The following ZNF804B variants were observed in gnomAD, a reference collection of about 807,000 sequenced individuals.
The protein encoded by ZNF804B is zinc finger 804B.
Under a neutral mutation model 101.4 loss-of-function variants are expected in ZNF804B, and 80 were observed. The ratio of observed to expected loss-of-function variants is 0.79; its 90% CI spans 0.66 to 0.95. The LOEUF is 0.95. Among genes scored for constraint, ZNF804B ranks in the 40% least tolerant of loss-of-function variants. ZNF804B has a pLI of 0.00. For missense variants in ZNF804B, 1,673 were observed against 1,561.9 expected (o/e 1.07, Z -1.20); for synonymous variants, 622 against 558.8 (o/e 1.11, Z -1.59).
In ZNF804B at chr7:88,772,127, TA is replaced by T. The variant is rs369261466; in HGVS notation, c.108+12046del. Among the ~76,000 whole-genome samples the T allele has an allele frequency of 1.8e-3, 276 of 152,306 alleles. 1 individual carries two copies. The highest frequency in any genetic ancestry group is 6.3e-3 in the African/African-American group (262 of 41,586). Reference sequence around the variant, plus strand: ...GATTTAAAGAATTGATCATGTATTTTAAACTACGTTTAATGTTCTTCTTTCA... The same window carrying T: ...GATTTAAAGAATTGATCATGTATTTTAACTACGTTTAATGTTCTTCTTTCA... On this transcript the variant is annotated intron_variant, in intron 1 of 3. Coordinates refer to ENST00000333190, the MANE Select transcript of ZNF804B (RefSeq NM_181646.5).
At chr7:89,084,985 A>G (rs1026738301) in intron 1 of ZNF804B, among the ~76,000 whole-genome samples, 1 of 151,874 alleles carries the variant, frequency 6.6e-6, no homozygotes, top group African/African-American at 2.4e-5. Flanking sequence ...AAAAAGACAA[A>G]TATGGACTTT....
rs550682776 is a variant in ZNF804B at position 88,856,235 on chromosome 7, C to T, written c.108+96151C>T. 4.1e-4 allele frequency among the ~76,000 whole-genome samples: 62 copies of T among 152,178 alleles called. 1 individual carries two copies. In the South Asian group the frequency reaches 8.7e-3, roughly 21 times the overall value. On this transcript the variant is annotated intron_variant, in intron 1 of 3. Coordinates refer to ENST00000333190, the MANE Select transcript of ZNF804B (RefSeq NM_181646.5). ...TCACGATATTGATTCTTCCTACCCA[C>T]GAGCATGGAATGTTCTTCCATTTGT...
intron 1 of ZNF804B, among the ~76,000 whole-genome samples, chr7:89,027,602 A>G (rs1788769248): frequency 1.3e-5 from 2 of 152,166 alleles, no homozygotes; most frequent in African/African-American, 4.8e-5. Context: ...ATTCTTATTC[A>G]TATTCTCTCG....
chr7:89,146,509 T>A (rs1355512300), intron 1 of ZNF804B, among the ~76,000 whole-genome samples: 1 of 152,076 alleles, frequency 6.6e-6, no homozygotes, highest in African/African-American at 2.4e-5. Flanking sequence ...ATAAAGTCAT[T>A]CAAATATTAA....
intron 1 of ZNF804B, among the ~76,000 whole-genome samples, chr7:88,928,535 T>G (rs1166538358): frequency 6.6e-6 from 1 of 152,116 alleles, no homozygotes; most frequent in Non-Finnish European, 1.5e-5. Flanking sequence ...TGGCACACAT[T>G]TTTAGAATGT....
chr7:88,994,672 T>C (rs1793894842), intron 1 of ZNF804B, among the ~76,000 whole-genome samples: 1 of 152,074 alleles, frequency 6.6e-6, no homozygotes, highest in Non-Finnish European at 1.5e-5. Context: ...TTCGGAATAA[T>C]GATTCTGTTT....
chr7:89,138,465 T>C (rs1790669342), intron 1 of ZNF804B, among the ~76,000 whole-genome samples: 1 of 152,178 alleles, frequency 6.6e-6, no homozygotes, highest in Non-Finnish European at 1.5e-5. Flanking sequence ...ATGTCTCAGA[T>C]GAGACTTTGT....
At chr7:89,086,742 C>T (rs913096300) in intron 1 of ZNF804B, among the ~76,000 whole-genome samples, 1 of 151,856 alleles carries the variant, frequency 6.6e-6, no homozygotes, top group East Asian at 1.9e-4. Context: ...GATGCCTTTT[C>T]AGAGTTTGCT....
intron 2 of ZNF804B, among the ~76,000 whole-genome samples, chr7:89,291,289 A>G (rs1396446647): frequency 2.2e-5 from 3 of 137,698 alleles, no homozygotes; most frequent in Non-Finnish European, 4.9e-5. Flanking sequence ...AAACTAAATA[A>G]GACAGAAACC....
At chr7:89,302,910 T>A (rs931588374) in intron 2 of ZNF804B, among the ~76,000 whole-genome samples, 1 of 151,954 alleles carries the variant, frequency 6.6e-6, no homozygotes, top group Non-Finnish European at 1.5e-5. Context: ...GTCTAGAATT[T>A]AACACAATAC....
chr7:89,128,892 C>A (rs1363122114), intron 1 of ZNF804B, among the ~76,000 whole-genome samples: 1 of 151,988 alleles, frequency 6.6e-6, no homozygotes, highest in Non-Finnish European at 1.5e-5. Context: ...TGTATCATGT[C>A]TGTGGCTAAG....
At chr7:89,122,268 C>A (rs2373841) in intron 1 of ZNF804B, among the ~76,000 whole-genome samples, 97,709 of 151,722 alleles carry the variant, frequency 0.64, 32,238 homozygotes, top group East Asian at 0.8. Context: ...TCTTCAGTCA[C>A]ATTAGCCATG....
chr7:89,191,687 T>C (rs986225128), intron 1 of ZNF804B, among the ~76,000 whole-genome samples: 5 of 152,044 alleles, frequency 3.3e-5, no homozygotes, highest in Non-Finnish European at 7.4e-5. Flanking sequence ...TTCAGTGGTA[T>C]TTGCATCATG....
intron 1 of ZNF804B, among the ~76,000 whole-genome samples, chr7:88,809,677 A>C (rs1263814513): frequency 1.3e-5 from 2 of 152,228 alleles, no homozygotes; most frequent in Non-Finnish European, 2.9e-5. Flanking sequence ...TTTTTTATGC[A>C]TAACAGCTTC....
chr7:89,230,684 T>C (rs1408316899), intron 2 of ZNF804B, among the ~76,000 whole-genome samples: 1 of 152,026 alleles, frequency 6.6e-6, no homozygotes, highest in African/African-American at 2.4e-5. Flanking sequence ...GGAGAAGATA[T>C]TCTGTTGAAC....
At chr7:88,982,441 C>CT (rs1395665561) in intron 1 of ZNF804B, among the ~76,000 whole-genome samples, 2 of 152,034 alleles carry the variant, frequency 1.3e-5, no homozygotes, top group African/African-American at 4.8e-5. Flanking sequence ...AATTTATTTT[C>CT]TCAATGCTTC....
rs139616754 is a variant in ZNF804B, at chr7:88,828,795, A to C, written c.108+68711A>C. Among the ~76,000 whole-genome samples the C allele has an allele frequency of 5.1e-3, 784 of 152,292 alleles. 6 individuals carry two copies. Among genetic ancestry groups the C allele is most frequent in the African/African-American group, 0.018 (745 of 41,568 alleles). ...TCATTCTGACATTTGCTTTGAAACC[A>C]GAAGAGCTCTCTGTGTTTTTCTTTA... On this transcript the variant is annotated intron_variant, in intron 1 of 3. Transcript: ENST00000333190.
At chr7:88,850,975 A>G (rs1449210641) in intron 1 of ZNF804B, among the ~76,000 whole-genome samples, 3 of 152,146 alleles carry the variant, frequency 2.0e-5, no homozygotes, top group African/African-American at 7.2e-5. Flanking sequence ...TCAGGCTTCC[A>G]AAGATAAAAA....
At chr7:88,831,367 G>A (rs1791129916) in intron 1 of ZNF804B, among the ~76,000 whole-genome samples, 1 of 151,784 alleles carries the variant, frequency 6.6e-6, no homozygotes, top group South Asian at 2.1e-4. Flanking sequence ...GTATTCTATG[G>A]TAAAATGTTG....
Sources: gnomAD v4.1 joint callset for allele counts (sites outside exome capture counted in the v4.1 genomes callset) on GRCh38, gnomAD v4.1.1 for gene constraint, MANE v1.5 for transcripts, NCBI Gene and HGNC (gene_info 2026-07-23, HGNC 2026-07-21) for gene names.